GALNTL6: variants seen among roughly 807,000 people sequenced by gnomAD.
The protein encoded by GALNTL6 is polypeptide N-acetylgalactosaminyltransferase-like 6.
In GALNTL6, 46 loss-of-function variants were observed where a neutral mutation model predicts 73.7. That is an observed-to-expected ratio of 0.62 (90% CI 0.49 to 0.80). The LOEUF (loss-of-function observed/expected upper bound fraction) is 0.80, where lower values mean the gene tolerates loss of function less well. Ranked by LOEUF, GALNTL6 falls within the 30% of genes least tolerant of loss-of-function variation. GALNTL6 has a pLI of 0.00. For missense variants in GALNTL6, 604 were observed against 755.0 expected (o/e 0.80, Z 2.34); for synonymous variants, 259 against 263.7 (o/e 0.98, Z 0.17).
chr4:172,059,575 T>C (rs1731131104), intron 2 of GALNTL6, among the ~76,000 whole-genome samples: 1 of 151,886 alleles, frequency 6.6e-6, no homozygotes, highest in East Asian at 1.9e-4. Context: ...AAAATGTAAA[T>C]AGGAAATACA....
chr4:172,978,828 C>G (rs1381688242), intron 10 of GALNTL6, among the ~76,000 whole-genome samples: 1 of 152,204 alleles, frequency 6.6e-6, no homozygotes, highest in Middle Eastern at 3.2e-3. Context: ...CAGCTCCTCA[C>G]AGATTAGCAC....
At chr4:172,462,096 C>T (rs1019420796) in intron 5 of GALNTL6, among the ~76,000 whole-genome samples, 11 of 152,152 alleles carry the variant, frequency 7.2e-5, no homozygotes, top group African/African-American at 2.2e-4. Flanking sequence ...CTTTCAGGCT[C>T]AGAGGAGGAC....
At chr4:172,818,386 A>T (rs760296120) in intron 7 of GALNTL6, among the ~76,000 whole-genome samples, 1 of 152,086 alleles carries the variant, frequency 6.6e-6, no homozygotes, top group Non-Finnish European at 1.5e-5. Flanking sequence ...GATTGTGGAG[A>T]AATTATTTTT....
intron 2 of GALNTL6, among the ~76,000 whole-genome samples, chr4:172,002,700 C>T (rs576776471): frequency 9.2e-5 from 14 of 152,262 alleles, no homozygotes; most frequent in South Asian, 2.1e-4. Context: ...TAACTACTTT[C>T]TCAATATCTC....
At chr4:172,815,287 G>A (rs1017016244) in intron 7 of GALNTL6, among the ~76,000 whole-genome samples, 2 of 152,110 alleles carry the variant, frequency 1.3e-5, no homozygotes, top group African/African-American at 4.8e-5. Flanking sequence ...AAATATAGAT[G>A]AGAAAAGAAA....
At chr4:172,069,583 T>TATTA (rs776675339) in intron 2 of GALNTL6, among the ~76,000 whole-genome samples, 3 of 52,026 alleles carry the variant, frequency 5.8e-5, no homozygotes, top group African/African-American at 1.3e-4. Flanking sequence ...ATGTTATATA[T>TATTA]TATATATATA....
chr4:171,856,648 A>G (rs1423712755), intron 2 of GALNTL6, among the ~76,000 whole-genome samples: 1 of 152,118 alleles, frequency 6.6e-6, no homozygotes, highest in Non-Finnish European at 1.5e-5. Flanking sequence ...TCTTTTGCAT[A>G]TGGATGTGCA....
chr4:172,085,728 A>G (rs1411124053), intron 2 of GALNTL6, among the ~76,000 whole-genome samples: 2 of 151,726 alleles, frequency 1.3e-5, no homozygotes, highest in Non-Finnish European at 2.9e-5. Flanking sequence ...TATTTTGTAA[A>G]TGTTTGTATA....
chr4:171,859,895 A>G (rs1346497895), intron 2 of GALNTL6, among the ~76,000 whole-genome samples: 1 of 152,228 alleles, frequency 6.6e-6, no homozygotes, highest in Non-Finnish European at 1.5e-5. Flanking sequence ...AGGTAAACTT[A>G]TCTGGTCAGA....
intron 3 of GALNTL6, among the ~76,000 whole-genome samples, chr4:172,238,992 G>T (rs1469621939): frequency 6.6e-6 from 1 of 151,970 alleles, no homozygotes; most frequent in Non-Finnish European, 1.5e-5. Flanking sequence ...GTGCTGCTGG[G>T]TTCAATTTGC....
At chr4:172,685,743 C>A (rs546287895) in intron 5 of GALNTL6, among the ~76,000 whole-genome samples, 2 of 152,128 alleles carry the variant, frequency 1.3e-5, no homozygotes, top group Non-Finnish European at 2.9e-5. Flanking sequence ...TTAATCATTT[C>A]TATAACTCAG....
intron 10 of GALNTL6, among the ~76,000 whole-genome samples, chr4:172,996,884 C>T (rs1037573579): frequency 6.6e-6 from 1 of 152,084 alleles, no homozygotes; most frequent in African/African-American, 2.4e-5. Flanking sequence ...TCTAGAGCCT[C>T]TTGCAAAGGT....
At chr4:172,069,157 T>C (rs1731434505) in intron 2 of GALNTL6, among the ~76,000 whole-genome samples, 1 of 109,194 alleles carries the variant, frequency 9.2e-6, no homozygotes, top group Admixed American at 9.6e-5. Flanking sequence ...TTGACAATGT[T>C]ATTGCTAGAT....
chr4:172,177,754 T>TATATATACAC (rs1560955378), intron 2 of GALNTL6, among the ~76,000 whole-genome samples: 7 of 56,252 alleles, frequency 1.2e-4, no homozygotes, highest in African/African-American at 4.3e-4. Flanking sequence ...TGTATATATA[T>TATATATACAC]GTGTGTATAT....
intron 9 of GALNTL6, among the ~76,000 whole-genome samples, chr4:172,931,596 G>A (rs1414343987): frequency 6.6e-6 from 1 of 152,162 alleles, no homozygotes; most frequent in African/African-American, 2.4e-5. Flanking sequence ...AAATAGCAGA[G>A]TAGGTCCGCG....
chr4:172,617,775 C>T (rs1738798962), intron 5 of GALNTL6, among the ~76,000 whole-genome samples: 1 of 152,122 alleles, frequency 6.6e-6, no homozygotes, highest in Admixed American at 6.5e-5. Flanking sequence ...GCCACCGTGC[C>T]CAGCCTTAAC....
At chr4:172,240,778 GT>G (rs1359023702) in intron 3 of GALNTL6, among the ~76,000 whole-genome samples, 1 of 152,116 alleles carries the variant, frequency 6.6e-6, no homozygotes, top group Non-Finnish European at 1.5e-5. Context: ...CTTGGATTGA[GT>G]TTTGAGTTCC....
At chr4:172,965,540 G>A (rs894813594) in intron 10 of GALNTL6, among the ~76,000 whole-genome samples, 49 of 151,612 alleles carry the variant, frequency 3.2e-4, no homozygotes, top group African/African-American at 4.8e-4. Context: ...CTGAGATTGC[G>A]CCACTGCATC....
intron 5 of GALNTL6, among the ~76,000 whole-genome samples, chr4:172,585,629 G>A (rs1276419845): frequency 6.6e-6 from 1 of 152,068 alleles, no homozygotes; most frequent in Admixed American, 6.6e-5. Context: ...GTGTATACGT[G>A]CCACATTTTC....
Sources: allele counts gnomAD v4.1 joint callset (sites outside exome capture counted in the v4.1 genomes callset), GRCh38; gene constraint gnomAD v4.1.1; transcripts MANE v1.5; gene names NCBI Gene and HGNC (gene_info 2026-07-23, HGNC 2026-07-21).